The following KCNK3 variants were observed in gnomAD, a reference collection of about 807,000 sequenced individuals.
KCNK3 encodes potassium channel subfamily K member 3.
Under a neutral mutation model 27.3 loss-of-function variants are expected in KCNK3, and 9 were observed. That is an observed-to-expected ratio of 0.33 (90% CI 0.20 to 0.57). KCNK3 has a LOEUF of 0.57. Among genes scored for constraint, KCNK3 ranks in the 20% least tolerant of loss-of-function variants. The pLI is 0.87. For synonymous variants in KCNK3, 278 were observed against 273.8 expected (o/e 1.02, Z -0.15); for missense variants, 391 against 577.7 (o/e 0.68, Z 3.31).
At chr2:26,698,416 T>C (rs4665894) in intron 1 of KCNK3, among the ~76,000 whole-genome samples, 5,064 of 152,310 alleles carry the variant, frequency 0.033, 600 homozygotes, top group Admixed American at 0.23. Context: ...CTTGGACACA[T>C]TATCTAATCT....
chr2:26,711,814 C>T (rs1244176707), intron 1 of KCNK3, among the ~76,000 whole-genome samples: 2 of 152,070 alleles, frequency 1.3e-5, no homozygotes, highest in East Asian at 3.9e-4. Context: ...TTTAATCATT[C>T]GAATAAAGTC....
rs1454607444 is a variant in KCNK3, at chr2:26,729,898, T to G, written c.*1330T>G. On this transcript the variant is annotated 3_prime_UTR_variant, in exon 2 of 2. Transcript: ENST00000302909. ...CCAGCCTGCTTGTTGCTAGCCAAAGTGTTCTTTCCTTCCAGCTTGGCCTGC... is the reference window on the plus strand; with the variant it reads ...CCAGCCTGCTTGTTGCTAGCCAAAGGGTTCTTTCCTTCCAGCTTGGCCTGC... The G allele has an allele frequency of 1.3e-5, 2 of 150,834 alleles. No homozygotes were observed. The highest frequency in any genetic ancestry group is 2.9e-5 in the Non-Finnish European group (2 of 67,886). 9.3% of individuals were successfully genotyped at this position (150,834 alleles called of 1,614,324 possible). A position where few individuals can be genotyped will look rare whatever the true frequency, so the allele number is the denominator to read the frequency against.
At chr2:26,706,299 C>G (rs774540880) in intron 1 of KCNK3, among the ~76,000 whole-genome samples, 1 of 152,068 alleles carries the variant, frequency 6.6e-6, no homozygotes, top group Non-Finnish European at 1.5e-5. Flanking sequence ...CCCTCCCCCC[C>G]AGAGGAGGAG....
At chr2:26,701,504 T>C (rs1670307821) in intron 1 of KCNK3, among the ~76,000 whole-genome samples, 1 of 152,192 alleles carries the variant, frequency 6.6e-6, no homozygotes, top group Non-Finnish European at 1.5e-5. Context: ...GGAAGGCACC[T>C]TAGATCAATG....
At chr2:26,725,847 C>T (rs1385608561) in intron 1 of KCNK3, among the ~76,000 whole-genome samples, 1 of 152,192 alleles carries the variant, frequency 6.6e-6, no homozygotes, top group African/African-American at 2.4e-5. Flanking sequence ...GCCAGCTTTA[C>T]TGGAACTGAG....
rs781291012 is a variant in KCNK3, at chr2:26,728,237, C to T, written c.854C>T (p.Ala285Val). 2 of 1,573,952 alleles carry T rather than the reference C, an allele frequency of 1.3e-6. No homozygotes were observed. Among genetic ancestry groups the T allele is most frequent in the East Asian group, 4.7e-5 (2 of 42,328 alleles). The change falls in exon 2 of 2, where the codon GCC (alanine) becomes GTC (valine). Residue 285 changes from alanine (A) to valine (V), a missense_variant. Coordinates refer to ENST00000302909, the MANE Select transcript of KCNK3 (RefSeq NM_002246.3). ...GGGSAHTTDT[A>V]SSTAAAGGGG... ...GGCAGCGCGCACACTACGGACACCG[C>T]CTCATCCACGGCGGCAGCGGGCGGC...
At chr2:26,709,035 G>A (rs182557476) in intron 1 of KCNK3, among the ~76,000 whole-genome samples, 76 of 152,282 alleles carry the variant, frequency 5.0e-4, no homozygotes, top group Admixed American at 9.2e-4. Flanking sequence ...TGTAGGAGTT[G>A]GGGGAAGAGA....
At chr2:26,709,776 T>G (rs1215236153) in intron 1 of KCNK3, among the ~76,000 whole-genome samples, 2 of 152,074 alleles carry the variant, frequency 1.3e-5, no homozygotes, top group Non-Finnish European at 2.9e-5. Flanking sequence ...CTTATATCCC[T>G]CAAGCAAATG....
chr2:26,720,279 A>C (rs1663304533), intron 1 of KCNK3, among the ~76,000 whole-genome samples: 2 of 152,086 alleles, frequency 1.3e-5, no homozygotes, highest in African/African-American at 4.8e-5. Context: ...AAACAAAACA[A>C]AAAACGAGTG....
At chr2:26,699,421 GAC>G (rs747648173) in intron 1 of KCNK3, among the ~76,000 whole-genome samples, 15 of 152,210 alleles carry the variant, frequency 9.9e-5, no homozygotes, top group South Asian at 2.1e-4. Context: ...AGAAATAGAA[GAC>G]ACACGCCTGG....
chr2:26,705,831 G>T (rs573111683), intron 1 of KCNK3, among the ~76,000 whole-genome samples: 1 of 152,044 alleles, frequency 6.6e-6, no homozygotes, highest in Non-Finnish European at 1.5e-5. Context: ...GCCTTGCTGA[G>T]GGTGACTTGG....
intron 1 of KCNK3, among the ~76,000 whole-genome samples, chr2:26,712,608 C>T (rs551628520): frequency 2.6e-5 from 4 of 151,916 alleles, no homozygotes; most frequent in Non-Finnish European, 4.4e-5. Context: ...TATAACCTAT[C>T]GGGATGGTGG....
At chr2:26,701,716 G>A (rs1232456790) in intron 1 of KCNK3, among the ~76,000 whole-genome samples, 1 of 152,238 alleles carries the variant, frequency 6.6e-6, no homozygotes, top group Non-Finnish European at 1.5e-5. Flanking sequence ...CAAGGCAGGG[G>A]ATCACTTGAG....
rs913427523 is a variant in KCNK3, at chr2:26,731,753, T to TC, written c.*3192dup. 2.0e-5 allele frequency: 3 copies of TC among 151,846 alleles called. No individual in the cohort carries two copies. The highest frequency in any genetic ancestry group is 2.9e-5 in the Non-Finnish European group (2 of 67,960). The allele number at this position is 151,846 out of a possible 1,614,324, so 9.4% of individuals were successfully genotyped here. A position where few individuals can be genotyped will look rare whatever the true frequency, so the allele number is the denominator to read the frequency against. ...CCTTAGAAATCACCTGGTCCTATTG[T>TC]CCCCCCCGTACATGAGTAACTGAGG... On this transcript the variant is annotated 3_prime_UTR_variant, in exon 2 of 2. Coordinates refer to ENST00000302909, the MANE Select transcript of KCNK3 (RefSeq NM_002246.3).
At chr2:26,706,840 A>ACTGCTCCT (rs1301030451) in intron 1 of KCNK3, among the ~76,000 whole-genome samples, 1 of 151,960 alleles carries the variant, frequency 6.6e-6, no homozygotes, top group Non-Finnish European at 1.5e-5. Flanking sequence ...AGCCTCCTCC[A>ACTGCTCCT]CTGCTCCTCT....
chr2:26,724,136 C>G (rs1663370323), intron 1 of KCNK3, among the ~76,000 whole-genome samples: 1 of 152,246 alleles, frequency 6.6e-6, no homozygotes, highest in Non-Finnish European at 1.5e-5. Context: ...CTCCACCCAG[C>G]TGGCACCCCT....
chr2:26,718,955 G>C (rs186484621), intron 1 of KCNK3, among the ~76,000 whole-genome samples: 1 of 152,252 alleles, frequency 6.6e-6, no homozygotes, highest in Admixed American at 6.5e-5. Context: ...AATATAGAAA[G>C]CGTTGTCTCC....
chr2:26,724,143 C>T (rs1663370362), intron 1 of KCNK3, among the ~76,000 whole-genome samples: 1 of 152,242 alleles, frequency 6.6e-6, no homozygotes, highest in Non-Finnish European at 1.5e-5. Flanking sequence ...CAGCTGGCAC[C>T]CCTCCAAGTT....
chr2:26,714,884 T>C (rs960000248), intron 1 of KCNK3, among the ~76,000 whole-genome samples: 1 of 85,200 alleles, frequency 1.2e-5, no homozygotes, highest in African/African-American at 3.2e-5. Flanking sequence ...AGACTCCATC[T>C]CAAAATAAAT....
Sources: allele counts gnomAD v4.1 joint callset (sites outside exome capture counted in the v4.1 genomes callset), GRCh38; gene constraint gnomAD v4.1.1; transcripts MANE v1.5; gene names NCBI Gene and HGNC (gene_info 2026-07-23, HGNC 2026-07-21).